WWOX: variants seen among roughly 807,000 people sequenced by gnomAD.
The protein encoded by WWOX is WW domain-containing oxidoreductase.
Under a neutral mutation model 46.2 loss-of-function variants are expected in WWOX, and 69 were observed. That is an observed-to-expected ratio of 1.49 (90% CI 1.23 to 1.82). WWOX has a LOEUF of 1.82. Ranked by LOEUF, WWOX falls within the 40% of genes most tolerant of loss-of-function variation. The pLI, the probability that WWOX is intolerant of heterozygous loss-of-function variation, is 0.00. For synonymous variants in WWOX, 359 were observed against 202.6 expected, an observed-to-expected ratio of 1.77 and a Z score of -6.56; for missense variants, 919 against 542.6, an observed-to-expected ratio of 1.69 and a Z score of -6.89.
Position 78,432,758 on chromosome 16 carries a change from A to T in WWOX, c.1056+6A>T, listed in dbSNP as rs772213220. ...GGCCTTTCACCAAGTCCATGGTAAGAGAACAGCTTCTGGCGCCGCAAACAC... is the reference window on the plus strand; with the variant it reads ...GGCCTTTCACCAAGTCCATGGTAAGTGAACAGCTTCTGGCGCCGCAAACAC... On this transcript the variant is annotated splice_donor_region_variant and intron_variant, in intron 8 of 8. Transcript: ENST00000566780. The T allele has an allele frequency of 1.2e-6, 2 of 1,614,138 alleles. No individual in the cohort carries two copies. The highest frequency in any genetic ancestry group is 1.7e-6 in the Non-Finnish European group (2 of 1,180,022).
intron 8 of WWOX, among the ~76,000 whole-genome samples, chr16:78,885,373 T>C (rs1057083004): frequency 5.9e-5 from 9 of 152,328 alleles, no homozygotes; most frequent in Admixed American, 6.5e-5. Flanking sequence ...AAGAACACTT[T>C]TTGGCTCCTG....
chr16:79,071,728 T>G (rs1048469186), intron 8 of WWOX, among the ~76,000 whole-genome samples: 3 of 152,228 alleles, frequency 2.0e-5, no homozygotes, highest in African/African-American at 7.2e-5. Context: ...AGTTGGTCCC[T>G]TGATTGCTTC....
chr16:79,061,479 T>G (rs1054236027), intron 8 of WWOX, among the ~76,000 whole-genome samples: 7 of 152,208 alleles, frequency 4.6e-5, no homozygotes, highest in African/African-American at 1.4e-4. Context: ...TTCAGATCTC[T>G]TGCAAAATGC....
chr16:78,615,437 C>G (rs2045999628), intron 8 of WWOX, among the ~76,000 whole-genome samples: 1 of 152,168 alleles, frequency 6.6e-6, no homozygotes, highest in East Asian at 1.9e-4. Flanking sequence ...TCTCCTGAAG[C>G]CCAGAATTCA....
At chr16:78,718,522 G>C (rs1286817962) in intron 8 of WWOX, among the ~76,000 whole-genome samples, 1 of 152,064 alleles carries the variant, frequency 6.6e-6, no homozygotes, top group Non-Finnish European at 1.5e-5. Context: ...GAATTTGCCA[G>C]TCAGAAAAAT....
chr16:79,013,851 G>A (rs1006049617), intron 8 of WWOX, among the ~76,000 whole-genome samples: 6 of 152,040 alleles, frequency 3.9e-5, no homozygotes, highest in East Asian at 1.9e-4. Context: ...TTTCATTCTC[G>A]CTCTGCCGCC....
rs890080738 is a variant in WWOX at position 78,259,475 on chromosome 16, C to T, written c.516+95186C>T. 5.9e-5 allele frequency among the ~76,000 whole-genome samples: 9 copies of T among 151,752 alleles called. 1 individual carries two copies. The highest frequency in any genetic ancestry group is 1.0e-4 in the Non-Finnish European group (7 of 67,938). ...CCGACTAGCTGGGACTACAGGCACA[C>T]GCCACTATGCCCAGCTAATTTTTGT... On this transcript the variant is annotated intron_variant, in intron 5 of 8. Transcript: ENST00000566780.
intron 8 of WWOX, among the ~76,000 whole-genome samples, chr16:78,763,115 A>G (rs948618237): frequency 1.3e-5 from 2 of 152,226 alleles, no homozygotes; most frequent in Non-Finnish European, 2.9e-5. Flanking sequence ...GCACTATTGT[A>G]GGCTGTGGAG....
At chr16:78,806,676 A>G (rs943409012) in intron 8 of WWOX, among the ~76,000 whole-genome samples, 2 of 152,088 alleles carry the variant, frequency 1.3e-5, no homozygotes, top group Non-Finnish European at 2.9e-5. Context: ...CAGATGCTGC[A>G]TTGCCTTTTA....
At chr16:78,652,978 G>T (rs1170298678) in intron 8 of WWOX, among the ~76,000 whole-genome samples, 1 of 152,022 alleles carries the variant, frequency 6.6e-6, no homozygotes, top group East Asian at 1.9e-4. Context: ...ATGGTAGAAG[G>T]AGAAGAAAAT....
intron 8 of WWOX, among the ~76,000 whole-genome samples, chr16:78,652,470 T>C (rs1041604288): frequency 5.3e-5 from 8 of 149,952 alleles, no homozygotes; most frequent in Admixed American, 4.6e-4. Context: ...GTCCCATGAA[T>C]TCCAAATACA....
chr16:78,868,905 TC>T (rs2044065580), intron 8 of WWOX, among the ~76,000 whole-genome samples: 1 of 151,860 alleles, frequency 6.6e-6, no homozygotes, highest in South Asian at 2.1e-4. Flanking sequence ...TTTGCACTTT[TC>T]CCCCCTTTTT....
chr16:79,192,884 G>T (rs1008487940), intron 8 of WWOX, among the ~76,000 whole-genome samples: 1 of 152,184 alleles, frequency 6.6e-6, no homozygotes, highest in Admixed American at 6.5e-5. Flanking sequence ...TCACAGGGCC[G>T]CAGGACTGAG....
chr16:78,305,693 G>A (rs575405992), intron 5 of WWOX, among the ~76,000 whole-genome samples: 1 of 151,812 alleles, frequency 6.6e-6, no homozygotes, highest in Non-Finnish European at 1.5e-5. Flanking sequence ...ATGACAGAAA[G>A]TCACCCACCC....
At chr16:78,224,582 A>C (rs1396527049) in intron 5 of WWOX, among the ~76,000 whole-genome samples, 1 of 152,182 alleles carries the variant, frequency 6.6e-6, no homozygotes, top group African/African-American at 2.4e-5. Context: ...TGTTGGACAT[A>C]CAGGTTATTC....
At chr16:78,296,650 AT>A (rs1175650452) in intron 5 of WWOX, among the ~76,000 whole-genome samples, 3 of 152,000 alleles carry the variant, frequency 2.0e-5, no homozygotes, top group Non-Finnish European at 4.4e-5. Flanking sequence ...ATGCAAAAAA[AT>A]AAAAAAAAAT....
chr16:78,744,768 C>T (rs1336091752), intron 8 of WWOX, among the ~76,000 whole-genome samples: 1 of 152,062 alleles, frequency 6.6e-6, no homozygotes, highest in African/African-American at 2.4e-5. Flanking sequence ...TACCCGAAAA[C>T]AGTGTGGAAA....
At chr16:78,496,718 T>C (rs1178512463) in intron 8 of WWOX, among the ~76,000 whole-genome samples, 1 of 152,240 alleles carries the variant, frequency 6.6e-6, no homozygotes, top group Non-Finnish European at 1.5e-5. Context: ...ACTCACTATG[T>C]AAAACCAAAC....
intron 8 of WWOX, among the ~76,000 whole-genome samples, chr16:78,697,780 A>T (rs2048131837): frequency 6.6e-6 from 1 of 152,166 alleles, no homozygotes; most frequent in Non-Finnish European, 1.5e-5. Flanking sequence ...TGGTATTTTC[A>T]ACTCGGTATA....
Sources: allele counts gnomAD v4.1 joint callset (sites outside exome capture counted in the v4.1 genomes callset), GRCh38; gene constraint gnomAD v4.1.1; transcripts MANE v1.5; gene names NCBI Gene and HGNC (gene_info 2026-07-23, HGNC 2026-07-21).